WDCP: variants seen among roughly 807,000 people sequenced by gnomAD.
WDCP encodes the protein WD repeat and coiled-coil-containing protein.
A neutral mutation model predicts 41.6 loss-of-function variants in WDCP; 19 were observed. The ratio of observed to expected loss-of-function variants is 0.46; its 90% CI spans 0.32 to 0.67. WDCP has a LOEUF of 0.67. Ranked by LOEUF, WDCP falls within the 30% of genes least tolerant of loss-of-function variation. The pLI, the probability that WDCP is intolerant of heterozygous loss-of-function variation, is 0.04. For synonymous variants in WDCP, 302 were observed against 320.8 expected (o/e 0.94, Z 0.63); for missense variants, 802 against 850.7 (o/e 0.94, Z 0.71).
In WDCP at chr2:24,038,780, T is replaced by C. The variant is rs146723213; in HGVS notation, c.715A>G (p.Ile239Val). The C allele has an allele frequency of 1.8e-5, 29 of 1,614,100 alleles. No homozygotes were observed. The highest frequency in any genetic ancestry group is 4.0e-5 in the African/African-American group (3 of 74,944). The change falls in exon 2 of 4, where the codon ATC becomes GTC. Residue 239 changes from isoleucine to valine, a missense_variant. By Grantham distance (29) the Ile-to-Val change is conservative. This residue lies in a region of WDCP where 247 missense variants were observed against 240.5 expected (regional missense o/e 1.03). Transcript: ENST00000295148. Reference sequence around the variant, plus strand: ...GTCATGTCTTTACTGTTAGGTGGGATATTAAAGGTTTCAGATGCATTTAAG... The same window carrying C: ...GTCATGTCTTTACTGTTAGGTGGGACATTAAAGGTTTCAGATGCATTTAAG... ...CGLNASETFN[I>V]PPNSKDMTPY...
intron 2 of WDCP, among the ~76,000 whole-genome samples, chr2:24,037,338 T>C (rs1024877289): frequency 3.3e-5 from 5 of 152,242 alleles, no homozygotes; most frequent in Admixed American, 3.3e-4. Context: ...ACCTTTTTTA[T>C]AACTGGAGGA....
At chr2:24,034,851 A>G (rs1282750588) in intron 2 of WDCP, among the ~76,000 whole-genome samples, 1 of 152,166 alleles carries the variant, frequency 6.6e-6, no homozygotes, top group Non-Finnish European at 1.5e-5. Flanking sequence ...CTGGGGTTAC[A>G]GGTTTAAGCC....
At chr2:24,034,770 T>G (rs1663192643) in intron 2 of WDCP, among the ~76,000 whole-genome samples, 2 of 151,952 alleles carry the variant, frequency 1.3e-5, no homozygotes, top group African/African-American at 4.8e-5. Context: ...AGACAGGGTT[T>G]TGCCATGCTG....
chr2:24,034,662 C>T lies in WDCP; in HGVS notation c.1819-1716G>A, dbSNP rs889089036. Among the ~76,000 whole-genome samples, 38 of 151,728 alleles carry T rather than the reference C, an allele frequency of 2.5e-4. 1 individual carries two copies. The highest frequency in any genetic ancestry group is 5.0e-4 in the Non-Finnish European group (34 of 67,958). The stretch of plus-strand genomic sequence containing the variant: ...GATCACAGCTCACTGCAGCCTCAAC[C>T]TCCTCAGCTTAGGTGATCCTCACAC... On this transcript the variant is annotated intron_variant, in intron 2 of 3. Transcript: ENST00000295148.
intron 1 of WDCP, 136 bp from the exon 2 acceptor site, chr2:24,039,648 T>C: frequency 1.4e-6 from 1 of 709,884 alleles, no homozygotes; most frequent in Non-Finnish European, 2.3e-6. Context: ...GGGAGTATTA[T>C]AAATTAAGAG....
chr2:24,038,154 G>C lies in WDCP; in HGVS notation c.1341C>G (p.Thr447=), dbSNP rs1442828526. The change falls in exon 2 of 4, where the codon ACC becomes ACG. Residue 447 remains threonine, a synonymous_variant. Transcript: ENST00000295148. ...TTAACGGAGCACTGAAAGTAGAGTA[G>C]GTAGTCTGGCTTTCACCTGATGTTA... The part of the protein sequence containing the change: ...PSITSGESQT[T]YSTFSAPLNK... 6.2e-7 allele frequency: 1 copy of C among 1,614,148 alleles called. No individual in the cohort carries two copies. The highest frequency in any genetic ancestry group is 8.5e-7 in the Non-Finnish European group (1 of 1,180,016).
Position 24,029,611 on chromosome 2 carries a change from T to A in WDCP, c.*1322A>T, listed in dbSNP as rs1384221886. On this transcript the variant is annotated 3_prime_UTR_variant, in exon 4 of 4. Transcript: ENST00000295148. ...CTACCCCAGCAGCTGTCTAGTGCAC[T>A]TGAACCACAAAATGGGCCCTCACTT... 6.6e-6 allele frequency: 1 copy of A among 152,236 alleles called. No individual in the cohort carries two copies. Among genetic ancestry groups the A allele is most frequent in the African/African-American group, 2.4e-5 (1 of 41,464 alleles). 9.4% of individuals were successfully genotyped at this position (152,236 alleles called of 1,614,324 possible). A position where few individuals can be genotyped will look rare whatever the true frequency, so the allele number is the denominator to read the frequency against.
chr2:24,031,308 G>A, intron 3 of WDCP, 146 bp from the exon 4 acceptor site: 3 of 629,052 alleles, frequency 4.8e-6, no homozygotes, highest in Middle Eastern at 4.2e-4. Context: ...CAGAGAATGG[G>A]GTATTGGGAA....
In WDCP at chr2:24,030,929, G is replaced by A. The variant is rs1321327222; in HGVS notation, c.*4C>T. ...AGAGCTACACAGCAAGGACACTGCA[G>A]ATATCAAGCCATGCCATCTACATGG... is the stretch of plus-strand genomic sequence containing the variant. On this transcript the variant is annotated 3_prime_UTR_variant, in exon 4 of 4. Transcript: ENST00000295148. 1.9e-6 allele frequency: 3 copies of A among 1,608,728 alleles called. No homozygotes were observed. The highest frequency in any genetic ancestry group is 2.6e-6 in the Non-Finnish European group (3 of 1,175,232).
rs1663660936 is a variant in WDCP, at chr2:24,047,355, G to A, written c.-60C>T. ...TCACAAAAACACCAATCTCTCTGTG[G>A]CCGCCCAACATCACGCCGCCGCACA... On this transcript the variant is annotated 5_prime_UTR_variant, in exon 1 of 4. Transcript: ENST00000295148. 1 of 152,080 alleles carries A rather than the reference G, an allele frequency of 6.6e-6. No individual in the cohort carries two copies. The highest frequency in any genetic ancestry group is 6.6e-5 in the Admixed American group (1 of 15,242). The allele number at this position is 152,080 out of a possible 1,614,324, so 9.4% of individuals were successfully genotyped here. A position where few individuals can be genotyped will look rare whatever the true frequency, so the allele number is the denominator to read the frequency against.
chr2:24,034,380 A>T lies in WDCP; in HGVS notation c.1819-1434T>A, dbSNP rs150726348. 2.0e-5 allele frequency among the ~76,000 whole-genome samples: 3 copies of T among 152,140 alleles called. No individual in the cohort carries two copies. The South Asian group carries it at 6.2e-4, about 32-fold the overall frequency. On this transcript the variant is annotated intron_variant, in intron 2 of 3. Coordinates refer to ENST00000295148, the MANE Select transcript of WDCP (RefSeq NM_025203.3). ...GGTTGCAGTGAGCCAAGATCGCGCC[A>T]CTGCACTCCGGCCTGGGTGACAAAG...
chr2:24,038,199 C>T lies in WDCP; in HGVS notation c.1296G>A (p.Met432Ile), dbSNP rs752899861. The change falls in exon 2 of 4, where the codon ATG becomes ATA. Residue 432 changes from methionine to isoleucine, a missense_variant. Around this residue, in one of 5 missense-constraint regions of WDCP, gnomAD observed 247 missense variants for 240.5 expected, o/e 1.03. Transcript: ENST00000295148. ...ATGTTATTGAAGGTTCTTCTTCCAA[C>T]ATTATTTCTCTAACAATCAAGCTAA... Reference protein sequence around the residue: ...YAISLIVREIMLEEEPSITSG... With the variant: ...YAISLIVREIILEEEPSITSG... 1.9e-5 allele frequency: 30 copies of T among 1,614,190 alleles called. No individual in the cohort carries two copies. The South Asian group carries it at 3.3e-4, about 18-fold the overall frequency.
At chr2:24,040,960 G>C (rs550699893) in intron 1 of WDCP, among the ~76,000 whole-genome samples, 5 of 152,118 alleles carry the variant, frequency 3.3e-5, no homozygotes, top group Non-Finnish European at 7.3e-5. Context: ...AGGCTACAGT[G>C]AGCTGAGATC....
At chr2:24,034,448 C>G (rs1663181040) in intron 2 of WDCP, among the ~76,000 whole-genome samples, 1 of 151,942 alleles carries the variant, frequency 6.6e-6, no homozygotes. Flanking sequence ...AAAAATATAA[C>G]AGAAATATAT....
intron 3 of WDCP, among the ~76,000 whole-genome samples, chr2:24,032,073 TTAA>T (rs1208246018): frequency 1.3e-5 from 2 of 152,340 alleles, no homozygotes; most frequent in Admixed American, 1.3e-4. Flanking sequence ...TAGTAGGCAA[TTAA>T]TAATATTTGT....
chr2:24,035,639 G>A lies in WDCP; in HGVS notation c.1818+2038C>T, dbSNP rs1035473075. Among the ~76,000 whole-genome samples, 3 of 152,060 alleles carry A rather than the reference G, an allele frequency of 2.0e-5. No homozygotes were observed. In the East Asian group the frequency reaches 5.8e-4, roughly 29 times the overall value. ...TTAAAAAAATCAAAACTATGGCTGG[G>A]TGCAGTGGCTCACACCTGTAATCCC... On this transcript the variant is annotated intron_variant, in intron 2 of 3. Coordinates refer to ENST00000295148, the MANE Select transcript of WDCP (RefSeq NM_025203.3).
In WDCP at chr2:24,038,014, G is replaced by A. The variant is rs1663310767; in HGVS notation, c.1481C>T (p.Thr494Ile). 1 of 1,614,150 alleles carries A rather than the reference G, an allele frequency of 6.2e-7. No homozygotes were observed. The highest frequency in any genetic ancestry group is 1.3e-5 in the African/African-American group (1 of 75,046). ...TSSQNGRPGRTLIKEIQSPLS... is the reference protein window; with the variant it reads ...TSSQNGRPGRILIKEIQSPLS... ...AGGACTCTGGATTTCTTTAATAAGT[G>A]TTCTTCCAGGCCTTCCATTCTGACT... is the stretch of plus-strand genomic sequence containing the variant. Residue 494 changes from threonine (T) to isoleucine (I), a missense_variant, in exon 2 of 4, where the codon ACA (threonine) becomes ATA (isoleucine). Around this residue, in one of 5 missense-constraint regions of WDCP, gnomAD observed 321 missense variants for 305.1 expected, o/e 1.05. Coordinates refer to ENST00000295148, the MANE Select transcript of WDCP (RefSeq NM_025203.3).
intron 1 of WDCP, among the ~76,000 whole-genome samples, chr2:24,046,889 C>T (rs996073434): frequency 1.3e-5 from 2 of 152,136 alleles, no homozygotes; most frequent in Non-Finnish European, 2.9e-5. Flanking sequence ...TAGCATTTCC[C>T]TATGTTATTT....
Position 24,030,358 on chromosome 2 carries a change from GAGGGT to G in WDCP, c.*570_*574del, listed in dbSNP as rs936092424. 4 of 152,212 alleles carry G rather than the reference GAGGGT, an allele frequency of 2.6e-5. No individual in the cohort carries two copies. Among genetic ancestry groups the G allele is most frequent in the African/African-American group, 9.6e-5 (4 of 41,452 alleles). 9.4% of individuals were successfully genotyped at this position (152,212 alleles called of 1,614,324 possible). The stretch of plus-strand genomic sequence containing the variant: ...CAGCCAGAATTTGTTAAGGAAGCAA[GAGGGT>G]TTGGTTTAAATTCTGGGAGGTCCAG... On this transcript the variant is annotated 3_prime_UTR_variant, in exon 4 of 4. Transcript: ENST00000295148.
Sources: gnomAD v4.1 joint callset for allele counts (sites outside exome capture counted in the v4.1 genomes callset) on GRCh38, gnomAD v4.1.1 for gene constraint, gnomAD v4.1.1 regional missense constraint, MANE v1.5 for transcripts, NCBI Gene and HGNC (gene_info 2026-07-23, HGNC 2026-07-21) for gene names.